Variants in GFRAL observed in about 807,000 individuals in gnomAD.
GFRAL encodes the protein GDNF family receptor alpha like.
A neutral mutation model predicts 45.4 loss-of-function variants in GFRAL; 36 were observed. The ratio of observed to expected loss-of-function variants is 0.79; its 90% CI spans 0.61 to 1.05. The LOEUF is 1.05. GFRAL is among the 50% of genes least tolerant of loss of function. The pLI, the probability that GFRAL is intolerant of heterozygous loss-of-function variation, is 0.00. For missense variants in GFRAL, 507 were observed against 467.5 expected (o/e 1.08, Z -0.78); for synonymous variants, 166 against 154.1 (o/e 1.08, Z -0.57).
At chr6:55,331,539 CTATAAAAAGAAA>C (rs1767829461) in intron 1 of GFRAL, among the ~76,000 whole-genome samples, 164 bp from the exon 2 acceptor site, 1 of 151,956 alleles carries the variant, frequency 6.6e-6, no homozygotes, top group African/African-American at 2.4e-5. Flanking sequence ...ATTTAAGAAT[CTATAAAAAGAAA>C]TACAGATCTA....
At chr6:55,330,140 T>C (rs1417257858) in intron 1 of GFRAL, among the ~76,000 whole-genome samples, 1 of 152,182 alleles carries the variant, frequency 6.6e-6, no homozygotes, top group Non-Finnish European at 1.5e-5. Context: ...TGATTGTTTT[T>C]AGAAAACTTG....
chr6:55,380,289 C>T lies in GFRAL; in HGVS notation c.953-18891C>T, dbSNP rs1768591020. Reference sequence around the variant, plus strand: ...AAGGTTTTACTAAAGCCAGCTGGTTCCCCAACTCTATTAGTAACAATCTTT... The same window carrying T: ...AAGGTTTTACTAAAGCCAGCTGGTTTCCCAACTCTATTAGTAACAATCTTT... On this transcript the variant is annotated intron_variant, in intron 6 of 8. Transcript: ENST00000340465. Among the ~76,000 whole-genome samples, 5 of 152,008 alleles carry T rather than the reference C, an allele frequency of 3.3e-5. No individual in the cohort carries two copies. The South Asian group carries it at 1.0e-3, about 32-fold the overall frequency.
chr6:55,373,271 C>G (rs1332951937), intron 6 of GFRAL, among the ~76,000 whole-genome samples: 2 of 152,092 alleles, frequency 1.3e-5, no homozygotes, highest in Admixed American at 1.3e-4. Context: ...CTGAAAGGTT[C>G]TTCCTTGACC....
At chr6:55,397,517 T>A in intron 6 of GFRAL, among the ~76,000 whole-genome samples, 1 of 66,830 alleles carries the variant, frequency 1.5e-5, no homozygotes, top group Non-Finnish European at 2.5e-5. Flanking sequence ...AGAGCGAGAC[T>A]CCGTCTCAAA....
intron 8 of GFRAL, 132 bp from the exon 9 acceptor site, chr6:55,401,658 G>A (rs955003609): frequency 9.0e-6 from 6 of 665,726 alleles, no homozygotes; most frequent in Non-Finnish European, 1.6e-5. Flanking sequence ...TTACTATTGG[G>A]ACTTTACATT....
intron 5 of GFRAL, among the ~76,000 whole-genome samples, chr6:55,357,768 T>C (rs1367906970): frequency 3.3e-5 from 5 of 151,720 alleles, no homozygotes; most frequent in African/African-American, 7.2e-5. Context: ...CATGGTGTTT[T>C]TCCTGAGTGA....
chr6:55,397,431 T>C (rs919771623), intron 6 of GFRAL, among the ~76,000 whole-genome samples: 3 of 129,126 alleles, frequency 2.3e-5, no homozygotes, highest in African/African-American at 9.0e-5. Flanking sequence ...GGCAGGAGAA[T>C]GGCGTGAACC....
intron 6 of GFRAL, among the ~76,000 whole-genome samples, chr6:55,377,681 C>T (rs1484873989): frequency 6.6e-6 from 1 of 151,994 alleles, no homozygotes; most frequent in Non-Finnish European, 1.5e-5. Context: ...GCTTGCCAGT[C>T]TTTGCCACAG....
intron 8 of GFRAL, among the ~76,000 whole-genome samples, chr6:55,399,940 C>A (rs186894542): frequency 6.6e-6 from 1 of 152,170 alleles, no homozygotes; most frequent in East Asian, 1.9e-4. Context: ...CACAGAGTGC[C>A]CCTAGAAAGA....
intron 6 of GFRAL, among the ~76,000 whole-genome samples, chr6:55,389,731 T>A (rs141972207): frequency 4.7e-4 from 71 of 152,312 alleles, no homozygotes; most frequent in African/African-American, 1.6e-3. Context: ...TCCACTCTAT[T>A]ATCTATGTTT....
At chr6:55,398,002 T>G (rs979488867) in intron 6 of GFRAL, among the ~76,000 whole-genome samples, 1 of 152,168 alleles carries the variant, frequency 6.6e-6, no homozygotes, top group African/African-American at 2.4e-5. Flanking sequence ...GTTTGTAACC[T>G]AAAAACAAAG....
intron 3 of GFRAL, 67 bp downstream of exon 3, chr6:55,334,011 C>A: frequency 1.1e-6 from 1 of 922,766 alleles, no homozygotes; most frequent in Non-Finnish European, 1.6e-6. Flanking sequence ...AAATTAACCA[C>A]ATCTATGTAA....
chr6:55,328,989 T>C (rs1767798351), intron 1 of GFRAL, among the ~76,000 whole-genome samples: 1 of 152,166 alleles, frequency 6.6e-6, no homozygotes, highest in South Asian at 2.1e-4. Flanking sequence ...AGTAGGATAA[T>C]AAGCCCCATA....
chr6:55,363,426 G>A (rs1198505068), intron 6 of GFRAL, among the ~76,000 whole-genome samples: 1 of 109,852 alleles, frequency 9.1e-6, no homozygotes, highest in African/African-American at 4.0e-5. Flanking sequence ...ATACATGGTA[G>A]CTTAATTCTT....
intron 3 of GFRAL, among the ~76,000 whole-genome samples, chr6:55,348,453 G>A (rs1385202407): frequency 1.3e-5 from 2 of 152,056 alleles, no homozygotes; most frequent in African/African-American, 2.4e-5. Flanking sequence ...CTACCATAAC[G>A]AAATACTACG....
chr6:55,359,976 C>A (rs1562055760), intron 6 of GFRAL, among the ~76,000 whole-genome samples: 1 of 151,952 alleles, frequency 6.6e-6, no homozygotes, highest in Non-Finnish European at 1.5e-5. Context: ...TTTAGTTTTT[C>A]TCCCCTTGGT....
intron 3 of GFRAL, among the ~76,000 whole-genome samples, chr6:55,335,442 A>T (rs1581898656): frequency 6.6e-6 from 1 of 152,172 alleles, no homozygotes; most frequent in East Asian, 1.9e-4. Flanking sequence ...ACAGAATTTT[A>T]AAAATTTTGG....
chr6:55,368,157 C>G (rs1309491740), intron 6 of GFRAL, among the ~76,000 whole-genome samples: 8 of 150,872 alleles, frequency 5.3e-5, no homozygotes, highest in Admixed American at 2.0e-4. Flanking sequence ...ATTCTTTTTT[C>G]TCTAAACTTC....
chr6:55,384,953 G>C (rs2127364055), intron 6 of GFRAL, among the ~76,000 whole-genome samples: 1 of 151,942 alleles, frequency 6.6e-6, no homozygotes, highest in Middle Eastern at 3.4e-3. Context: ...GACTATCCTG[G>C]AAAGCATCAG....
Sources: gnomAD v4.1 joint callset for allele counts (sites outside exome capture counted in the v4.1 genomes callset) on GRCh38, gnomAD v4.1.1 for gene constraint, MANE v1.5 for transcripts, NCBI Gene and HGNC (gene_info 2026-07-23, HGNC 2026-07-21) for gene names.